Variants in ADAM10 observed in about 807,000 individuals in gnomAD.
The protein encoded by ADAM10 is ADAM metallopeptidase domain 10.
In ADAM10, 17 loss-of-function variants were observed where a neutral mutation model predicts 90.1. That is an observed-to-expected ratio of 0.19 (90% CI 0.13 to 0.28). The LOEUF (loss-of-function observed/expected upper bound fraction) is 0.28. Ranked by LOEUF, ADAM10 falls within the 10% of genes least tolerant of loss-of-function variation. ADAM10 has a pLI of 1.00. For missense variants in ADAM10, 610 were observed against 914.3 expected (o/e 0.67, Z 4.29); for synonymous variants, 310 against 298.6 (o/e 1.04, Z -0.40).
intron 1 of ADAM10, among the ~76,000 whole-genome samples, chr15:58,729,519 T>C (rs1442596705): frequency 1.3e-5 from 2 of 152,182 alleles, no homozygotes; most frequent in African/African-American, 2.4e-5. Context: ...GAGTGATCTG[T>C]ATGCACATTC....
At chr15:58,740,479 A>G (rs544698191) in intron 1 of ADAM10, among the ~76,000 whole-genome samples, 1 of 152,276 alleles carries the variant, frequency 6.6e-6, no homozygotes, top group East Asian at 1.9e-4. Context: ...CAGGAATGAC[A>G]TGATTTCATT....
At chr15:58,723,945 T>C (rs1446270572) in intron 1 of ADAM10, among the ~76,000 whole-genome samples, 1 of 152,094 alleles carries the variant, frequency 6.6e-6, no homozygotes, top group African/African-American at 2.4e-5. Context: ...AAGAAATTCA[T>C]ATTGGCCAGA....
intron 5 of ADAM10, among the ~76,000 whole-genome samples, chr15:58,655,678 A>ACTATATATAG (rs1566982198): frequency 9.6e-6 from 1 of 103,904 alleles, no homozygotes; most frequent in African/African-American, 4.9e-5. Context: ...ACATACATAC[A>ACTATATATAG]TATATATATT....
chr15:58,627,219 A>G (rs555849148), intron 10 of ADAM10, among the ~76,000 whole-genome samples: 278 of 152,296 alleles, frequency 1.8e-3, no homozygotes, highest in Non-Finnish European at 3.2e-3. Context: ...GACAAAGCCA[A>G]TGTAGAGTGA....
chr15:58,727,578 T>G (rs1182731841), intron 1 of ADAM10, among the ~76,000 whole-genome samples: 1 of 152,190 alleles, frequency 6.6e-6, no homozygotes, highest in Non-Finnish European at 1.5e-5. Context: ...GTAATCCTAC[T>G]GGCTTGGCCT....
At position 58,597,520 on chromosome 15, in the gene ADAM10, T is replaced by C; in HGVS notation, c.*27A>G. The C allele has an allele frequency of 6.2e-7, 1 of 1,614,120 alleles. No individual in the cohort carries two copies. Among genetic ancestry groups the C allele is most frequent in the Non-Finnish European group, 8.5e-7 (1 of 1,180,018 alleles). On this transcript the variant is annotated 3_prime_UTR_variant, in exon 16 of 16. Coordinates refer to ENST00000260408, the MANE Select transcript of ADAM10 (RefSeq NM_001110.4). ...AGTGAAGTTTTCCCATTGTAGGCAC[T>C]AGGAAGAACCAAGGCAAAAGCTGCA...
intron 9 of ADAM10, among the ~76,000 whole-genome samples, chr15:58,629,780 C>CT (rs112141656): frequency 0.19 from 28,787 of 149,734 alleles, 3,420 homozygotes; most frequent in East Asian, 0.42. Context: ...ACAGTTATAA[C>CT]TTTTTTTTTT....
intron 11 of ADAM10, among the ~76,000 whole-genome samples, chr15:58,613,822 A>G (rs1342042307): frequency 2.0e-5 from 3 of 152,184 alleles, no homozygotes; most frequent in Non-Finnish European, 4.4e-5. Context: ...TCATATTATA[A>G]GAGCTGCAGA....
At chr15:58,689,077 A>C (rs1052435971) in intron 2 of ADAM10, among the ~76,000 whole-genome samples, 2 of 152,218 alleles carry the variant, frequency 1.3e-5, no homozygotes, top group African/African-American at 4.8e-5. Context: ...ACACACAAAG[A>C]AAAACCCACA....
intron 7 of ADAM10, among the ~76,000 whole-genome samples, chr15:58,641,317 C>G (rs963312748): frequency 6.6e-6 from 1 of 152,166 alleles, no homozygotes; most frequent in African/African-American, 2.4e-5. Context: ...ATTCTCTGAA[C>G]AAGTCTCCTT....
intron 2 of ADAM10, among the ~76,000 whole-genome samples, chr15:58,702,908 G>A (rs1290886090): frequency 6.6e-6 from 1 of 152,116 alleles, no homozygotes; most frequent in East Asian, 1.9e-4. Context: ...CCATAAAATA[G>A]TAAAACCACA....
rs1462016866 is a variant in ADAM10, at chr15:58,692,933, T to G, written c.207-10619A>C. 3 of 712,148 alleles carry G rather than the reference T, an allele frequency of 4.2e-6. No individual in the cohort carries two copies. The African/African-American group carries it at 5.3e-5, about 12-fold the overall frequency. 44.1% of individuals were successfully genotyped at this position (712,148 alleles called of 1,614,324 possible). A position where few individuals can be genotyped will look rare whatever the true frequency, so the allele number is the denominator to read the frequency against. On this transcript the variant is annotated intron_variant, in intron 2 of 15. Transcript: ENST00000260408. ...TCAGCCTTGGTCATGCCAATGCCTG[T>G]GTTGACCAAAGTCAGGATGCATTCC...
intron 11 of ADAM10, among the ~76,000 whole-genome samples, chr15:58,618,243 C>CAACA (rs1595995617): frequency 1.1e-5 from 1 of 91,710 alleles, no homozygotes; most frequent in African/African-American, 8.2e-5. Flanking sequence ...AATTGATTTT[C>CAACA]GAGGTGATTT....
At chr15:58,700,079 G>C (rs1481991235) in intron 2 of ADAM10, among the ~76,000 whole-genome samples, 1 of 152,044 alleles carries the variant, frequency 6.6e-6, no homozygotes, top group African/African-American at 2.4e-5. Context: ...CAACTACAGA[G>C]CACCCATTAC....
intron 14 of ADAM10, 28 bp downstream of exon 14, chr15:58,610,269 T>C (rs763144862): frequency 6.2e-7 from 1 of 1,602,512 alleles, no homozygotes; most frequent in Admixed American, 1.7e-5. Context: ...CACTTTAAGT[T>C]TTCTTTGTAA....
At chr15:58,645,502 C>T (rs911124101) in intron 6 of ADAM10, among the ~76,000 whole-genome samples, 2 of 152,138 alleles carry the variant, frequency 1.3e-5, no homozygotes, top group East Asian at 1.9e-4. Context: ...GAAGTTCATC[C>T]TCACCACCAA....
intron 14 of ADAM10, among the ~76,000 whole-genome samples, chr15:58,602,188 G>C (rs1369183096): frequency 6.6e-6 from 1 of 151,556 alleles, no homozygotes; most frequent in Non-Finnish European, 1.5e-5. Flanking sequence ...TGTGTTTTTT[G>C]GACATGTCCT....
chr15:58,686,405 G>T, intron 2 of ADAM10: 5 of 1,191,018 alleles, frequency 4.2e-6, no homozygotes, highest in Non-Finnish European at 6.1e-6. Flanking sequence ...GCCCAGCGCC[G>T]CCACCATGTC....
intron 11 of ADAM10, among the ~76,000 whole-genome samples, chr15:58,618,893 A>G (rs1229192577): frequency 6.6e-6 from 1 of 152,224 alleles, no homozygotes; most frequent in Non-Finnish European, 1.5e-5. Flanking sequence ...ATCAGGAACC[A>G]TTAGTTTACT....
Sources: allele counts gnomAD v4.1 joint callset (sites outside exome capture counted in the v4.1 genomes callset), GRCh38; gene constraint gnomAD v4.1.1; transcripts MANE v1.5; gene names NCBI Gene and HGNC (gene_info 2026-07-23, HGNC 2026-07-21).